KSR2: variants seen among roughly 807,000 people sequenced by gnomAD.
KSR2 encodes the protein kinase suppressor of ras 2.
KSR2 carries 25 observed loss-of-function variants against 107.8 expected under a neutral mutation model. The ratio of observed to expected loss-of-function variants is 0.23; its 90% CI spans 0.17 to 0.32. The LOEUF is 0.32. KSR2 is among the 10% of genes least tolerant of loss of function. KSR2 has a pLI of 1.00. For missense variants in KSR2, 887 were observed against 1,268.9 expected (o/e 0.70, Z 4.57); for synonymous variants, 480 against 507.0 (o/e 0.95, Z 0.71).
chr12:117,740,184 G>A (rs1286476787), intron 4 of KSR2, among the ~76,000 whole-genome samples: 3 of 150,436 alleles, frequency 2.0e-5, no homozygotes, highest in Admixed American at 1.3e-4. Flanking sequence ...ACAATGTTTG[G>A]TTTTCCATTC....
intron 4 of KSR2, among the ~76,000 whole-genome samples, chr12:117,703,612 A>G (rs2136626829): frequency 6.6e-6 from 1 of 152,356 alleles, no homozygotes; most frequent in Admixed American, 6.5e-5. Flanking sequence ...TTAAAAGGCC[A>G]ATTCCACCTC....
chr12:117,540,818 C>T (rs1223011451), intron 9 of KSR2, among the ~76,000 whole-genome samples: 4 of 152,204 alleles, frequency 2.6e-5, no homozygotes, highest in Admixed American at 2.6e-4. Flanking sequence ...GGCATCTTGA[C>T]ATTGAATTTC....
chr12:117,482,560 G>T (rs577286485), intron 16 of KSR2, among the ~76,000 whole-genome samples: 1 of 152,304 alleles, frequency 6.6e-6, no homozygotes, highest in Admixed American at 6.5e-5. Flanking sequence ...GCAGGGGTGG[G>T]AGGGGCTGCT....
intron 6 of KSR2, among the ~76,000 whole-genome samples, chr12:117,580,143 G>C (rs549790020): frequency 1.3e-5 from 2 of 152,324 alleles, no homozygotes; most frequent in East Asian, 3.9e-4. Context: ...TCGAGGGAAA[G>C]GTTGCATCCC....
chr12:117,489,985 T>G (rs1410463555), intron 14 of KSR2, among the ~76,000 whole-genome samples: 4 of 152,200 alleles, frequency 2.6e-5, no homozygotes, highest in Admixed American at 2.6e-4. Context: ...GGATGAAAGT[T>G]TACTGAGTAT....
chr12:117,488,700 CT>C (rs71099056), intron 14 of KSR2, among the ~76,000 whole-genome samples: 47,673 of 144,438 alleles, frequency 0.33, 8,136 homozygotes, highest in South Asian at 0.53. Context: ...TTTCTTTTTT[CT>C]TTTTTTTTTT....
At chr12:117,627,581 G>A (rs1416900242) in intron 5 of KSR2, among the ~76,000 whole-genome samples, 2 of 152,210 alleles carry the variant, frequency 1.3e-5, no homozygotes, top group Middle Eastern at 3.2e-3. Flanking sequence ...CTGTTAGTCT[G>A]ATGGGCTTCC....
chr12:117,819,301 A>G (rs16947978), intron 3 of KSR2, among the ~76,000 whole-genome samples: 27,055 of 152,134 alleles, frequency 0.18, 3,683 homozygotes, highest in African/African-American at 0.38. Flanking sequence ...CACACCCAGC[A>G]GAGTTTAGTT....
chr12:117,869,097 C>T (rs1372507692), intron 1 of KSR2, among the ~76,000 whole-genome samples: 2 of 150,104 alleles, frequency 1.3e-5, no homozygotes, highest in Non-Finnish European at 3.0e-5. Context: ...TCAGGCCAGG[C>T]GCGGTGGCTC....
intron 8 of KSR2, among the ~76,000 whole-genome samples, chr12:117,556,798 C>T (rs553787281): frequency 2.0e-4 from 30 of 152,286 alleles, no homozygotes; most frequent in African/African-American, 5.5e-4. Flanking sequence ...GCTCTGTCCA[C>T]CCTATAGATG....
intron 10 of KSR2, among the ~76,000 whole-genome samples, chr12:117,535,823 C>A (rs1454294372): frequency 6.6e-6 from 1 of 152,108 alleles, no homozygotes; most frequent in Non-Finnish European, 1.5e-5. Flanking sequence ...AGTGAACTAG[C>A]CCCATGTTAC....
Position 117,855,418 on chromosome 12 carries a change from G to A in KSR2, c.472+10C>T. The A allele has an allele frequency of 1.2e-6, 2 of 1,614,044 alleles. No homozygotes were observed. The highest frequency in any genetic ancestry group is 2.2e-5 in the South Asian group (2 of 91,086). On this transcript the variant is annotated intron_variant, in intron 3 of 19. Transcript: ENST00000339824. ...AAGTCTCCACATCCCCGACCCCGGG[G>A]CCTGCTCACCTGACATGTGGACATT...
Position 117,753,113 on chromosome 12 carries a change from C to T in KSR2, c.986+7898G>A, listed in dbSNP as rs1422106977. Among the ~76,000 whole-genome samples, 3 of 152,240 alleles carry T rather than the reference C, an allele frequency of 2.0e-5. No individual in the cohort carries two copies. The East Asian group carries it at 5.8e-4, about 29-fold the overall frequency. On this transcript the variant is annotated intron_variant, in intron 4 of 19. Coordinates refer to ENST00000339824, the MANE Select transcript of KSR2 (RefSeq NM_173598.6). ...AGAATGTCAGAGGGATTCTTGATAA[C>T]TCTCCATGCCTATGGCTAACTGCAT...
chr12:117,933,107 C>A (rs1295364177), intron 1 of KSR2, among the ~76,000 whole-genome samples: 1 of 152,128 alleles, frequency 6.6e-6, no homozygotes, highest in Non-Finnish European at 1.5e-5. Flanking sequence ...CCAATGTTAG[C>A]ATGAAGTGGC....
At chr12:117,585,846 T>C (rs1484893245) in intron 5 of KSR2, among the ~76,000 whole-genome samples, 1 of 152,254 alleles carries the variant, frequency 6.6e-6, no homozygotes, top group African/African-American at 2.4e-5. Flanking sequence ...TGTGCATCCC[T>C]GGTGCCTATG....
chr12:117,529,264 T>A (rs1366275674), intron 12 of KSR2, among the ~76,000 whole-genome samples: 1 of 152,202 alleles, frequency 6.6e-6, no homozygotes, highest in Non-Finnish European at 1.5e-5. Flanking sequence ...TTGCCCAGGC[T>A]GGGGTGCAGT....
At chr12:117,532,512 T>C (rs1394443389) in intron 10 of KSR2, among the ~76,000 whole-genome samples, 1 of 152,228 alleles carries the variant, frequency 6.6e-6, no homozygotes, top group Non-Finnish European at 1.5e-5. Context: ...TCAAAGTTCC[T>C]ACTGTCCTGT....
At chr12:117,900,369 G>T (rs1338159608) in intron 1 of KSR2, among the ~76,000 whole-genome samples, 1 of 152,158 alleles carries the variant, frequency 6.6e-6, no homozygotes, top group Non-Finnish European at 1.5e-5. Flanking sequence ...CTATAAGAAA[G>T]AAACCTTGAT....
chr12:117,592,265 A>C (rs1880368405), intron 5 of KSR2, among the ~76,000 whole-genome samples: 3 of 151,712 alleles, frequency 2.0e-5, no homozygotes, highest in Admixed American at 2.0e-4. Context: ...AGGTACCCAC[A>C]ACCACGACTG....
Sources: allele counts gnomAD v4.1 joint callset (sites outside exome capture counted in the v4.1 genomes callset), GRCh38; gene constraint gnomAD v4.1.1; transcripts MANE v1.5; gene names NCBI Gene and HGNC (gene_info 2026-07-23, HGNC 2026-07-21).